Variants in RGS17 observed in about 807,000 individuals in gnomAD.
The protein encoded by RGS17 is regulator of G protein signaling 17.
A neutral mutation model predicts 25.5 loss-of-function variants in RGS17; 12 were observed. The ratio of observed to expected loss-of-function variants is 0.47; its 90% CI spans 0.30 to 0.76. The LOEUF (loss-of-function observed/expected upper bound fraction) is 0.76. Ranked by LOEUF, RGS17 falls within the 30% of genes least tolerant of loss-of-function variation. The pLI is 0.07. For missense variants in RGS17, 196 were observed against 242.2 expected (o/e 0.81, Z 1.27); for synonymous variants, 71 against 76.9 (o/e 0.92, Z 0.40).
chr6:153,043,913 AACAACAGCACCAACAAAAGCAACAG>A lies in RGS17; in HGVS notation c.81_105del (p.Cys28AlafsTer8). 6.2e-7 allele frequency: 1 copy of A among 1,608,872 alleles called. No homozygotes were observed. Among genetic ancestry groups the A allele is most frequent in the Admixed American group, 1.7e-5 (1 of 59,206 alleles). On this transcript the variant is annotated frameshift_variant, in exon 2 of 5. Coordinates refer to ENST00000206262, the MANE Select transcript of RGS17 (RefSeq NM_012419.5). LOFTEE classifies it high-confidence loss of function. ...AACATGACATACCAGGAGCAGCTGC[AACAACAGCACCAACAAAAGCAACAG>A]GTGTTGTTGGGCCTCTGGTTTCCAG...
At chr6:153,023,351 A>G in intron 4 of RGS17, 1 of 508,746 alleles carries the variant, frequency 2.0e-6, no homozygotes, top group Non-Finnish European at 3.9e-6. Context: ...AAAAAAGACA[A>G]AAAGAGGCTG....
At chr6:153,054,520 G>A (rs925738092) in intron 1 of RGS17, among the ~76,000 whole-genome samples, 9 of 151,754 alleles carry the variant, frequency 5.9e-5, no homozygotes, top group South Asian at 2.1e-4. Flanking sequence ...GCATGGTGGC[G>A]GGAGCCTGTG....
At chr6:153,126,306 T>C (rs1434186456) in intron 1 of RGS17, among the ~76,000 whole-genome samples, 1 of 152,180 alleles carries the variant, frequency 6.6e-6, no homozygotes, top group Non-Finnish European at 1.5e-5. Context: ...GACACAAGCT[T>C]CTCATAGTAA....
chr6:153,022,614 T>C (rs913963712), intron 4 of RGS17, among the ~76,000 whole-genome samples: 1 of 152,216 alleles, frequency 6.6e-6, no homozygotes, highest in African/African-American at 2.4e-5. Context: ...CTTGATAATC[T>C]TCCCAAGGAC....
chr6:153,026,088 G>A (rs1159690410), intron 3 of RGS17, among the ~76,000 whole-genome samples: 1 of 151,998 alleles, frequency 6.6e-6, no homozygotes, highest in Non-Finnish European at 1.5e-5. Flanking sequence ...CACTCACTTG[G>A]ACATTCCATA....
rs1045858903 is a variant in RGS17, at chr6:153,098,695, G to A, written c.-26+32429C>T. ...GGGTTTAATCAATGTATCAGATGCC[G>A]GGTGGCAACTCTGTTTTAAAAGTCA... On this transcript the variant is annotated intron_variant, in intron 1 of 4. Coordinates refer to ENST00000206262, the MANE Select transcript of RGS17 (RefSeq NM_012419.5). 3.3e-5 allele frequency among the ~76,000 whole-genome samples: 5 copies of A among 152,114 alleles called. No homozygotes were observed. The South Asian group carries it at 6.2e-4, about 19-fold the overall frequency.
At chr6:153,111,502 C>T (rs1777468779) in intron 1 of RGS17, among the ~76,000 whole-genome samples, 1 of 152,188 alleles carries the variant, frequency 6.6e-6, no homozygotes, top group Admixed American at 6.5e-5. Context: ...GAAGGGGTGG[C>T]TGTGGGTGCA....
At chr6:153,063,979 A>G (rs929586910) in intron 1 of RGS17, among the ~76,000 whole-genome samples, 7 of 152,130 alleles carry the variant, frequency 4.6e-5, no homozygotes, top group African/African-American at 1.7e-4. Context: ...TTTACCCTAG[A>G]ATAATAAATA....
chr6:153,087,996 A>G (rs62438270), intron 1 of RGS17, among the ~76,000 whole-genome samples: 179 of 152,302 alleles, frequency 1.2e-3, no homozygotes, highest in Non-Finnish European at 2.0e-3. Flanking sequence ...TAGGTTATTA[A>G]AAGATCATGG....
At chr6:153,035,939 T>G (rs1379280183) in intron 2 of RGS17, among the ~76,000 whole-genome samples, 1 of 152,248 alleles carries the variant, frequency 6.6e-6, no homozygotes, top group Non-Finnish European at 1.5e-5. Context: ...CCCTCCTGGC[T>G]GGTCAAATCA....
chr6:153,027,469 C>T (rs896781941), intron 2 of RGS17, among the ~76,000 whole-genome samples: 7 of 152,084 alleles, frequency 4.6e-5, no homozygotes, highest in Admixed American at 3.3e-4. Context: ...CAACTGATCC[C>T]TCTGTCTAGA....
chr6:153,052,772 G>C (rs1355357474), intron 1 of RGS17, among the ~76,000 whole-genome samples: 1 of 152,114 alleles, frequency 6.6e-6, no homozygotes, highest in Non-Finnish European at 1.5e-5. Context: ...GTTAAATACT[G>C]AATGTGTGTG....
intron 2 of RGS17, among the ~76,000 whole-genome samples, chr6:153,030,277 G>C (rs1216299583): frequency 6.6e-6 from 1 of 152,136 alleles, no homozygotes; most frequent in Non-Finnish European, 1.5e-5. Flanking sequence ...TTTATCTACT[G>C]ATCTGTCATC....
chr6:153,079,768 T>G (rs571375883), intron 1 of RGS17, among the ~76,000 whole-genome samples: 1 of 152,280 alleles, frequency 6.6e-6, no homozygotes, highest in East Asian at 1.9e-4. Flanking sequence ...TAGGTTTTTT[T>G]AATTTAATGT....
intron 1 of RGS17, among the ~76,000 whole-genome samples, chr6:153,078,777 A>G (rs1776924645): frequency 6.6e-6 from 1 of 152,068 alleles, no homozygotes; most frequent in Non-Finnish European, 1.5e-5. Context: ...CTGTAAAAAG[A>G]TTTATCTATA....
intron 1 of RGS17, among the ~76,000 whole-genome samples, chr6:153,052,427 T>A (rs760090390): frequency 6.6e-6 from 1 of 152,098 alleles, no homozygotes; most frequent in Non-Finnish European, 1.5e-5. Flanking sequence ...CTATTCTACA[T>A]CTGTCCCACT....
At chr6:153,126,276 G>A (rs1019740974) in intron 1 of RGS17, among the ~76,000 whole-genome samples, 2 of 152,072 alleles carry the variant, frequency 1.3e-5, no homozygotes, top group Non-Finnish European at 2.9e-5. Context: ...AACAATCCAC[G>A]ACTATCTGGG....
intron 2 of RGS17, among the ~76,000 whole-genome samples, chr6:153,031,772 C>A (rs1779366131): frequency 6.6e-6 from 1 of 152,082 alleles, no homozygotes; most frequent in Non-Finnish European, 1.5e-5. Flanking sequence ...GTATAAATGC[C>A]CTCTCTAAGT....
chr6:153,061,331 T>C (rs2129114893), intron 1 of RGS17, among the ~76,000 whole-genome samples: 1 of 152,308 alleles, frequency 6.6e-6, no homozygotes, highest in East Asian at 1.9e-4. Context: ...ATAAAAACTC[T>C]CTGTTTAATA....
Sources: gnomAD v4.1 joint callset for allele counts (sites outside exome capture counted in the v4.1 genomes callset) on GRCh38, gnomAD v4.1.1 for gene constraint, MANE v1.5 for transcripts, NCBI Gene and HGNC (gene_info 2026-07-23, HGNC 2026-07-21) for gene names.